The following GLB1 variants were observed in gnomAD, a reference collection of about 807,000 sequenced individuals.
The protein encoded by GLB1 is galactosidase beta 1.
In GLB1, 56 loss-of-function variants were observed where a neutral mutation model predicts 74.0. The observed-to-expected ratio is 0.76, with a 90% confidence interval of 0.61 to 0.94. The LOEUF (loss-of-function observed/expected upper bound fraction) is 0.94, where lower values mean the gene tolerates loss of function less well. Among genes scored for constraint, GLB1 ranks in the 40% least tolerant of loss-of-function variants. The probability of loss-of-function intolerance (pLI) is 0.00; values close to 1 mark genes in which losing one functional copy is unlikely to be tolerated. For missense variants in GLB1, 787 were observed against 845.5 expected (o/e 0.93, Z 0.86); for synonymous variants, 323 against 323.6 (o/e 1.00, Z 0.02).
the GLB1 span, among the ~76,000 whole-genome samples, chr3:32,976,294 A>T: frequency 6.6e-6 from 1 of 152,184 alleles, no homozygotes; most frequent in Admixed American, 6.5e-5. Flanking sequence ...CAGAAGACTT[A>T]CTGGAGCTAT....
At chr3:32,980,854 G>T in the GLB1 span, among the ~76,000 whole-genome samples, 3 of 151,628 alleles carry the variant, frequency 2.0e-5, no homozygotes, top group Non-Finnish European at 4.4e-5. Context: ...ACTTTGGGAG[G>T]CTGAGGCAAG....
At chr3:32,983,007 C>T in the GLB1 span, among the ~76,000 whole-genome samples, 1 of 152,090 alleles carries the variant, frequency 6.6e-6, no homozygotes, top group East Asian at 1.9e-4. Flanking sequence ...TGGCAGTAGA[C>T]TATCCTCTGG....
chr3:33,096,993 C>T lies in GLB1; in HGVS notation c.75+18G>A, dbSNP rs1164121524. 2 of 1,610,116 alleles carry T rather than the reference C, an allele frequency of 1.2e-6. No homozygotes were observed. Among genetic ancestry groups the T allele is most frequent in the Non-Finnish European group, 8.5e-7 (1 of 1,178,248 alleles). ...TCCCCTAGCAATGCCTCCCCGTACC[C>T]GGGTCCCGCAGACTTACGCGCAAGC... On this transcript the variant is annotated intron_variant, in intron 1 of 15. Transcript: ENST00000307363.
chr3:33,045,421 T>C (rs1341501879), intron 10 of GLB1: 3 of 985,330 alleles, frequency 3.0e-6, no homozygotes, highest in Non-Finnish European at 3.6e-6. Flanking sequence ...GTTGAAGAAA[T>C]AGTGTCCAGG....
At position 33,016,838 on chromosome 3, in the gene GLB1, G is replaced by GA; in HGVS notation, c.1349dup (p.Gln452ProfsTer5). 6.2e-7 allele frequency: 1 copy of GA among 1,613,934 alleles called. No homozygotes were observed. Among genetic ancestry groups the GA allele is most frequent in the African/African-American group, 1.3e-5 (1 of 75,046 alleles). On this transcript the variant is annotated frameshift_variant and splice_region_variant, in exon 14 of 16. Coordinates refer to ENST00000307363, the MANE Select transcript of GLB1 (RefSeq NM_000404.4). LOFTEE classifies it high-confidence loss of function. ...TGTTTCGCTCAAGGACTCCCTGGGGGATCTGTGGGGTTCAAGACCAAATGA... is the reference window on the plus strand; with the variant it reads ...TGTTTCGCTCAAGGACTCCCTGGGGGAATCTGTGGGGTTCAAGACCAAATGA...
intron 6 of GLB1, among the ~76,000 whole-genome samples, chr3:33,054,802 G>T (rs1699147617): frequency 6.6e-6 from 1 of 152,074 alleles, no homozygotes; most frequent in Non-Finnish European, 1.5e-5. Flanking sequence ...AAACAAAAAA[G>T]AATTTCTCCA....
chr3:33,071,322 G>T (rs928768664), intron 2 of GLB1, among the ~76,000 whole-genome samples: 2 of 152,184 alleles, frequency 1.3e-5, no homozygotes, highest in Non-Finnish European at 2.9e-5. Flanking sequence ...TCTATCTTCG[G>T]AATCTGCCTC....
chr3:33,091,706 C>T (rs1017355096), intron 1 of GLB1: 11 of 985,158 alleles, frequency 1.1e-5, no homozygotes, highest in Admixed American at 6.2e-5. Flanking sequence ...ACCCACCCAA[C>T]GCTGCCCTAT....
the GLB1 span, among the ~76,000 whole-genome samples, chr3:32,966,861 C>G: frequency 2.0e-5 from 3 of 152,172 alleles, no homozygotes; most frequent in African/African-American, 7.2e-5. Context: ...CGCTGTCTTG[C>G]CTGCTGCCAT....
the GLB1 span, among the ~76,000 whole-genome samples, chr3:32,983,822 A>T: frequency 1.3e-5 from 2 of 151,798 alleles, no homozygotes; most frequent in Middle Eastern, 6.8e-3. Context: ...GGGACTACAG[A>T]TGCACCACTA....
At chr3:32,973,886 G>A in the GLB1 span, among the ~76,000 whole-genome samples, 2 of 152,196 alleles carry the variant, frequency 1.3e-5, no homozygotes, top group Admixed American at 1.3e-4. Flanking sequence ...AGCTGAGATT[G>A]TAAGTCCTCT....
At chr3:32,970,875 A>G in the GLB1 span, among the ~76,000 whole-genome samples, 1 of 152,214 alleles carries the variant, frequency 6.6e-6, no homozygotes, top group Non-Finnish European at 1.5e-5. Flanking sequence ...TTCATATTAA[A>G]TCGGAGAGAG....
intron 15 of GLB1, among the ~76,000 whole-genome samples, chr3:33,007,310 A>T (rs557319287): frequency 2.1e-4 from 32 of 152,342 alleles, no homozygotes; most frequent in African/African-American, 7.7e-4. Context: ...TCAATTATAG[A>T]ACATTTCGTC....
At chr3:33,027,272 A>G (rs1198616685) in intron 10 of GLB1, among the ~76,000 whole-genome samples, 1 of 152,212 alleles carries the variant, frequency 6.6e-6, no homozygotes, top group Non-Finnish European at 1.5e-5. Context: ...GGAGCTGCTC[A>G]CCCTGCAGCA....
rs976066325 is a variant in GLB1, at chr3:33,094,251, T to G, written c.75+2760A>C. Reference sequence around the variant, plus strand: ...GTTCTGTGCTGGTGGACTCTGGAAATGAGTTCCTTAGAAAGGACAGTGGCC... The same window carrying G: ...GTTCTGTGCTGGTGGACTCTGGAAAGGAGTTCCTTAGAAAGGACAGTGGCC... On this transcript the variant is annotated intron_variant, in intron 1 of 15. Transcript: ENST00000307363. The G allele has an allele frequency of 8.5e-6, 13 of 1,525,910 alleles. No individual in the cohort carries two copies. In the East Asian group the frequency reaches 3.0e-4, roughly 35 times the overall value. The allele number at this position is 1,525,910 out of a possible 1,614,324, so 94.5% of individuals were successfully genotyped here.
At chr3:33,096,760 GCGCAAAGGGCGGCCGGAGCGGAA>G (rs1447335294) in intron 1 of GLB1, 7 of 1,317,506 alleles carry the variant, frequency 5.3e-6, no homozygotes, top group Middle Eastern at 5.8e-4. Context: ...GTGGATCCAA[GCGCAAAGGGCGGCCGGAGCGGAA>G]CGCACAAGCG....
At chr3:33,013,435 C>T (rs1177118356) in intron 15 of GLB1, among the ~76,000 whole-genome samples, 1 of 152,024 alleles carries the variant, frequency 6.6e-6, no homozygotes, top group Non-Finnish European at 1.5e-5. Flanking sequence ...CTGGCACACA[C>T]CTTGGGCACA....
At chr3:33,094,716 G>T (rs1374871280) in intron 1 of GLB1, among the ~76,000 whole-genome samples, 1 of 152,184 alleles carries the variant, frequency 6.6e-6, no homozygotes, top group Non-Finnish European at 1.5e-5. Flanking sequence ...TATGTGACAT[G>T]TGATATGGCA....
At chr3:33,096,451 C>G (rs927688375) in intron 1 of GLB1, 2 of 984,556 alleles carry the variant, frequency 2.0e-6, no homozygotes. Context: ...CCCACAAATA[C>G]AAAGAAAAAC....
Sources: allele counts gnomAD v4.1 joint callset (sites outside exome capture counted in the v4.1 genomes callset), GRCh38; gene constraint gnomAD v4.1.1; transcripts MANE v1.5; gene names NCBI Gene and HGNC (gene_info 2026-07-23, HGNC 2026-07-21).